The following IMMP2L variants were observed in gnomAD, a reference collection of about 807,000 sequenced individuals.
IMMP2L encodes inner mitochondrial membrane peptidase subunit 2, also known as mitochondrial inner membrane protease subunit 2.
Under a neutral mutation model 19.3 loss-of-function variants are expected in IMMP2L, and 18 were observed. The ratio of observed to expected loss-of-function variants is 0.93; its 90% CI spans 0.64 to 1.38. IMMP2L has a LOEUF of 1.38. Among genes scored for constraint, IMMP2L ranks in the 40% most tolerant of loss-of-function variants. The pLI is 0.00. For missense variants in IMMP2L, 233 were observed against 218.2 expected (o/e 1.07, Z -0.43); for synonymous variants, 76 against 73.0 (o/e 1.04, Z -0.21).
At chr7:110,842,257 G>T (rs1223037924) in intron 5 of IMMP2L, among the ~76,000 whole-genome samples, 1 of 152,052 alleles carries the variant, frequency 6.6e-6, no homozygotes, top group Non-Finnish European at 1.5e-5. Flanking sequence ...TTGTTTATTT[G>T]TCTGAAATAG....
chr7:110,821,471 T>TA (rs905525445), intron 5 of IMMP2L, among the ~76,000 whole-genome samples: 7 of 151,852 alleles, frequency 4.6e-5, no homozygotes, highest in Non-Finnish European at 7.4e-5. Context: ...TTCACAGATA[T>TA]AAAAAAAATG....
chr7:111,035,802 C>T (rs1293397072), intron 3 of IMMP2L, among the ~76,000 whole-genome samples: 1 of 152,092 alleles, frequency 6.6e-6, no homozygotes, highest in Non-Finnish European at 1.5e-5. Flanking sequence ...TATTCTTCAA[C>T]AAAGTAACCC....
At chr7:110,826,791 CA>C in intron 5 of IMMP2L, among the ~76,000 whole-genome samples, 1 of 151,608 alleles carries the variant, frequency 6.6e-6, no homozygotes. Flanking sequence ...ACATATGTAA[CA>C]AACCTGCACA....
chr7:110,996,296 G>T (rs907543932), intron 3 of IMMP2L, among the ~76,000 whole-genome samples: 3 of 152,128 alleles, frequency 2.0e-5, no homozygotes, highest in Non-Finnish European at 4.4e-5. Flanking sequence ...AGGCAAATGG[G>T]AAAGTGGCCT....
chr7:110,942,858 C>T (rs1461711256), intron 4 of IMMP2L, among the ~76,000 whole-genome samples: 1 of 151,934 alleles, frequency 6.6e-6, no homozygotes, highest in Admixed American at 6.6e-5. Flanking sequence ...AGATATCCAG[C>T]ACCCAAGTAA....
At chr7:111,285,597 T>G (rs1820397889) in intron 3 of IMMP2L, among the ~76,000 whole-genome samples, 1 of 152,150 alleles carries the variant, frequency 6.6e-6, no homozygotes, top group Non-Finnish European at 1.5e-5. Context: ...CAATTTTCAG[T>G]GCTAAGAACA....
chr7:111,345,878 C>T (rs545993466), intron 3 of IMMP2L, among the ~76,000 whole-genome samples: 42 of 152,200 alleles, frequency 2.8e-4, no homozygotes, highest in Non-Finnish European at 5.0e-4. Context: ...ACCCATGTGG[C>T]TATGCTCCTT....
At chr7:110,749,490 C>A (rs1350570797) in intron 5 of IMMP2L, among the ~76,000 whole-genome samples, 1 of 152,058 alleles carries the variant, frequency 6.6e-6, no homozygotes. Context: ...AGACTTGGAA[C>A]CAACCCAAAT....
At chr7:111,214,925 A>G (rs1433347175) in intron 3 of IMMP2L, among the ~76,000 whole-genome samples, 2 of 152,186 alleles carry the variant, frequency 1.3e-5, no homozygotes. Context: ...GCTTACATGT[A>G]TAAATGAAAA....
At chr7:110,889,088 A>G (rs1018858243) in intron 4 of IMMP2L, among the ~76,000 whole-genome samples, 3 of 152,166 alleles carry the variant, frequency 2.0e-5, no homozygotes, top group Admixed American at 6.5e-5. Flanking sequence ...TTCTACCTCT[A>G]TTTGCCCATC....
At chr7:110,673,736 C>A (rs535646286) in intron 5 of IMMP2L, among the ~76,000 whole-genome samples, 17 of 152,312 alleles carry the variant, frequency 1.1e-4, no homozygotes, top group Middle Eastern at 3.4e-3. Flanking sequence ...ACAAGTTCCT[C>A]ATCTCCATCT....
rs893936231 is a variant in IMMP2L at position 111,502,136 on chromosome 7, A to C, written c.136-14795T>G. The stretch of plus-strand genomic sequence containing the variant: ...AGGGATGGAGGAAGATCTACCAAGC[A>C]AATGGAAAACAAAAAAAGGCAGGGA... On this transcript the variant is annotated intron_variant, in intron 2 of 5. Coordinates refer to ENST00000405709, the MANE Select transcript of IMMP2L (RefSeq NM_032549.4). 1.4e-4 allele frequency among the ~76,000 whole-genome samples: 21 copies of C among 152,174 alleles called. 1 individual carries two copies. The highest frequency in any genetic ancestry group is 3.9e-4 in the East Asian group (2 of 5,192).
chr7:111,501,560 G>C (rs1844259485), intron 2 of IMMP2L, among the ~76,000 whole-genome samples: 1 of 152,128 alleles, frequency 6.6e-6, no homozygotes, highest in Non-Finnish European at 1.5e-5. Context: ...AAAATGTTAA[G>C]GGCAGCCAGA....
chr7:111,268,834 A>G (rs1267610486), intron 3 of IMMP2L, among the ~76,000 whole-genome samples: 1 of 151,886 alleles, frequency 6.6e-6, no homozygotes, highest in African/African-American at 2.4e-5. Flanking sequence ...CCCTGGGCTC[A>G]AGCAATCCTC....
chr7:111,115,935 C>G (rs569260271), intron 3 of IMMP2L, among the ~76,000 whole-genome samples: 1 of 152,218 alleles, frequency 6.6e-6, no homozygotes, highest in African/African-American at 2.4e-5. Context: ...ACTCAGCCTC[C>G]CAAAGGGCTG....
chr7:111,002,439 T>C (rs938853744), intron 3 of IMMP2L, among the ~76,000 whole-genome samples: 2 of 152,100 alleles, frequency 1.3e-5, no homozygotes, highest in Admixed American at 1.3e-4. Context: ...TTGGGAGAGT[T>C]TGGCTACCTT....
chr7:111,147,878 T>C (rs776590456), intron 3 of IMMP2L, among the ~76,000 whole-genome samples: 23 of 152,154 alleles, frequency 1.5e-4, no homozygotes, highest in Non-Finnish European at 2.5e-4. Flanking sequence ...TCAAGAAAAA[T>C]AGCTGAATCT....
At chr7:110,991,071 C>T (rs1199041792) in intron 3 of IMMP2L, among the ~76,000 whole-genome samples, 2 of 152,080 alleles carry the variant, frequency 1.3e-5, no homozygotes, top group African/African-American at 4.8e-5. Flanking sequence ...AGCACAAATC[C>T]TATGAGCTGT....
At position 110,822,056 on chromosome 7, in the gene IMMP2L, T is replaced by G. The variant is rs1220251619; in HGVS notation, c.408+64537A>C. ...TCCAATCTTTTCTCCAACCCAGGTGTGTCTCCTGCCTGAGATCCTGACAAG... is the reference window on the plus strand; with the variant it reads ...TCCAATCTTTTCTCCAACCCAGGTGGGTCTCCTGCCTGAGATCCTGACAAG... On this transcript the variant is annotated intron_variant, in intron 5 of 5. Coordinates refer to ENST00000405709, the MANE Select transcript of IMMP2L (RefSeq NM_032549.4). Among the ~76,000 whole-genome samples the G allele has an allele frequency of 2.0e-5, 3 of 152,150 alleles. No homozygotes were observed. In the East Asian group the frequency reaches 5.8e-4, roughly 29 times the overall value.
Sources: gnomAD v4.1 joint callset for allele counts (sites outside exome capture counted in the v4.1 genomes callset) on GRCh38, gnomAD v4.1.1 for gene constraint, MANE v1.5 for transcripts, NCBI Gene and HGNC (gene_info 2026-07-23, HGNC 2026-07-21) for gene names.